ANKRD52: variants seen among roughly 807,000 people sequenced by gnomAD.
The protein encoded by ANKRD52 is serine/threonine-protein phosphatase 6 regulatory ankyrin repeat subunit C.
In ANKRD52, 7 loss-of-function variants were observed where a neutral mutation model predicts 116.0. The ratio of observed to expected loss-of-function variants is 0.06; its 90% CI spans 0.03 to 0.11. The LOEUF (loss-of-function observed/expected upper bound fraction) is 0.11. Among genes scored for constraint, ANKRD52 ranks in the 10% least tolerant of loss-of-function variants. The pLI, the probability that ANKRD52 is intolerant of heterozygous loss-of-function variation, is 1.00. For missense variants in ANKRD52, 839 were observed against 1,408.6 expected (o/e 0.60, Z 6.47); for synonymous variants, 528 against 578.1 (o/e 0.91, Z 1.24).
At position 56,237,996 on chromosome 12, in the gene ANKRD52, C is replaced by A; in HGVS notation, c.*5146G>T. 1 of 318,652 alleles carries A rather than the reference C, an allele frequency of 3.1e-6. No homozygotes were observed. The highest frequency in any genetic ancestry group is 5.1e-5 in the East Asian group (1 of 19,606). The allele number at this position is 318,652 out of a possible 1,614,324, so 19.7% of individuals were successfully genotyped here. A position where few individuals can be genotyped will look rare whatever the true frequency, so the allele number is the denominator to read the frequency against. Reference sequence around the variant, plus strand: ...GCGGGGAGAACATTGTGCTTTAGCCCAGGGAGGGGAGGGGTGGGGCAAATG... The same window carrying A: ...GCGGGGAGAACATTGTGCTTTAGCCAAGGGAGGGGAGGGGTGGGGCAAATG... On this transcript the variant is annotated 3_prime_UTR_variant, in exon 28 of 28. Coordinates refer to ENST00000267116, the MANE Select transcript of ANKRD52 (RefSeq NM_173595.4).
At position 56,243,760 on chromosome 12, in the gene ANKRD52, G is replaced by A; in HGVS notation, c.2980+25C>T. 2 of 1,550,510 alleles carry A rather than the reference G, an allele frequency of 1.3e-6. No homozygotes were observed. Among genetic ancestry groups the A allele is most frequent in the South Asian group, 1.2e-5 (1 of 83,998 alleles). ...GTCCCTGACCCCAAACCCAAGAGAGGCATGGGGCCCCAGACCCCACCCACC... is the reference window on the plus strand; with the variant it reads ...GTCCCTGACCCCAAACCCAAGAGAGACATGGGGCCCCAGACCCCACCCACC... On this transcript the variant is annotated intron_variant, in intron 27 of 27. Transcript: ENST00000267116. This position sits in a 1 kb window ranked among gnomAD's most constrained non-coding sequence, Gnocchi z 4.6.
At position 56,243,728 on chromosome 12, in the gene ANKRD52, GA is replaced by G; in HGVS notation, c.2980+56del. The G allele has an allele frequency of 6.7e-7, 1 of 1,495,902 alleles. No homozygotes were observed. The highest frequency in any genetic ancestry group is 9.1e-7 in the Non-Finnish European group (1 of 1,099,292). 92.7% of individuals were successfully genotyped at this position (1,495,902 alleles called of 1,614,324 possible). ...TAGCAAGATTAAGAAGTCACCTCCT[GA>G]AGAATGTCCCTGACCCCAAACCCAA... is the stretch of plus-strand genomic sequence containing the variant. On this transcript the variant is annotated intron_variant, in intron 27 of 27. Coordinates refer to ENST00000267116, the MANE Select transcript of ANKRD52 (RefSeq NM_173595.4). The surrounding 1 kb of genome is among the most constrained non-coding windows in gnomAD (Gnocchi z 4.6).
Position 56,252,277 on chromosome 12 carries a change from T to C in ANKRD52, c.1409A>G (p.Gln470Arg), listed in dbSNP as rs1871740043. The change falls in exon 14 of 28, where the codon CAG becomes CGG. Residue 470 changes from glutamine to arginine, a missense_variant. Gln to Arg is a conservative substitution (Grantham distance 43). Around this residue, in one of 2 missense-constraint regions of ANKRD52, gnomAD observed 552 missense variants for 810.6 expected, o/e 0.68. Transcript: ENST00000267116. This position sits in a 1 kb window ranked among gnomAD's most constrained non-coding sequence, Gnocchi z 4.7. ...AGCAGTCACCAATGTTACTGCACACTGGTAGCTACCGTTAGCAGCTGCATA... is the reference window on the plus strand; with the variant it reads ...AGCAGTCACCAATGTTACTGCACACCGGTAGCTACCGTTAGCAGCTGCATA... ...LHYAAANGSY[Q>R]CAVTLVTAGA... The C allele has an allele frequency of 1.2e-6, 2 of 1,613,956 alleles. No individual in the cohort carries two copies. Among genetic ancestry groups the C allele is most frequent in the Non-Finnish European group, 1.7e-6 (2 of 1,179,876 alleles).
At position 56,243,239 on chromosome 12, in the gene ANKRD52, G is replaced by A. The variant is rs1352467677; in HGVS notation, c.3134C>T (p.Thr1045Met). The A allele has an allele frequency of 6.8e-6, 11 of 1,613,876 alleles. No individual in the cohort carries two copies. The highest frequency in any genetic ancestry group is 1.1e-5 in the South Asian group (1 of 91,068). The change falls in exon 28 of 28, where the codon ACG becomes ATG. Residue 1045 changes from threonine to methionine, a missense_variant. Physicochemically the swap from Thr to Met is moderately conservative, Grantham distance 81. Coordinates refer to ENST00000267116, the MANE Select transcript of ANKRD52 (RefSeq NM_173595.4). The surrounding 1 kb of genome is among the most constrained non-coding windows in gnomAD (Gnocchi z 4.6). ...LKNCSIAAAKTVGGCGALPHG... is the reference protein window; with the variant it reads ...LKNCSIAAAKMVGGCGALPHG... Reference sequence around the variant, plus strand: ...GGGCAGGGCGCCGCAGCCACCCACCGTCTTGGCGGCTGCAATGCTGCAGTT... The same window carrying A: ...GGGCAGGGCGCCGCAGCCACCCACCATCTTGGCGGCTGCAATGCTGCAGTT...
rs969711869 is a variant in ANKRD52 at position 56,244,661 on chromosome 12, C to T, written c.2713G>A (p.Ala905Thr). Residue 905 changes from alanine (A) to threonine (T), a missense_variant, in exon 24 of 28, where the codon GCT (alanine) becomes ACT (threonine). Coordinates refer to ENST00000267116, the MANE Select transcript of ANKRD52 (RefSeq NM_173595.4). This position sits in a 1 kb window ranked among gnomAD's most constrained non-coding sequence, Gnocchi z 4.9. ...LMTAAENGQTAAVEFLLYRGK... is the reference protein window; with the variant it reads ...LMTAAENGQTTAVEFLLYRGK... ...AGTGGCCCCTACACACCCACAGCAGCGGTCTGCCCGTTCTCAGCCGCCGTC... is the reference window on the plus strand; with the variant it reads ...AGTGGCCCCTACACACCCACAGCAGTGGTCTGCCCGTTCTCAGCCGCCGTC... 8 of 1,613,786 alleles carry T rather than the reference C, an allele frequency of 5.0e-6. No individual in the cohort carries two copies. Among genetic ancestry groups the T allele is most frequent in the African/African-American group, 4.0e-5 (3 of 75,042 alleles).
rs1871273512 is a variant in ANKRD52, at chr12:56,243,803, G to A, written c.2962C>T (p.Leu988=). ...QALLSHGATV[L]AVDEEGHTPA... The stretch of plus-strand genomic sequence containing the variant: ...CACCCACCTTCTTCATCCACAGCCA[G>A]CACTGTGGCCCCATGACTCAGCAGG... Residue 988 remains leucine (L), a synonymous_variant, in exon 27 of 28, where the codon CTG becomes TTG. Coordinates refer to ENST00000267116, the MANE Select transcript of ANKRD52 (RefSeq NM_173595.4). This position sits in a 1 kb window ranked among gnomAD's most constrained non-coding sequence, Gnocchi z 4.6. 1.3e-6 allele frequency: 2 copies of A among 1,559,828 alleles called. No individual in the cohort carries two copies. The highest frequency in any genetic ancestry group is 1.7e-6 in the Non-Finnish European group (2 of 1,151,718).
chr12:56,243,424 G>A lies in ANKRD52; in HGVS notation c.2981-32C>T. On this transcript the variant is annotated intron_variant, in intron 27 of 27. Transcript: ENST00000267116. This position sits in a 1 kb window ranked among gnomAD's most constrained non-coding sequence, Gnocchi z 4.6. Reference sequence around the variant, plus strand: ...GGCCAAGGGGGAGAACTGAGGCATAGAGTCCTGTATCCTAGCCAGCCTCCC... The same window carrying A: ...GGCCAAGGGGGAGAACTGAGGCATAAAGTCCTGTATCCTAGCCAGCCTCCC... 10 of 1,607,456 alleles carry A rather than the reference G, an allele frequency of 6.2e-6. No homozygotes were observed. The highest frequency in any genetic ancestry group is 8.5e-6 in the Non-Finnish European group (10 of 1,176,728).
chr12:56,242,399 G>A lies in ANKRD52; in HGVS notation c.*743C>T. On this transcript the variant is annotated 3_prime_UTR_variant, in exon 28 of 28. Transcript: ENST00000267116. This position sits in a 1 kb window ranked among gnomAD's most constrained non-coding sequence, Gnocchi z 4.3. The stretch of plus-strand genomic sequence containing the variant: ...AGCAAGGTTAAAGTGCGTGGTTAGG[G>A]GCCAGGCTAGGAGTGGGAGGGAATG... 2.6e-6 allele frequency: 1 copy of A among 377,440 alleles called. No individual in the cohort carries two copies. Among genetic ancestry groups the A allele is most frequent in the Non-Finnish European group, 4.7e-6 (1 of 213,000 alleles). The allele number at this position is 377,440 out of a possible 1,614,324, so 23.4% of individuals were successfully genotyped here.
chr12:56,251,773 G>A (rs945075067), intron 15 of ANKRD52, among the ~76,000 whole-genome samples: 1 of 151,218 alleles, frequency 6.6e-6, no homozygotes, highest in Non-Finnish European at 1.5e-5. Context: ...CATTCCTTTA[G>A]GGAAGGAACT....
chr12:56,254,784 C>T lies in ANKRD52; in HGVS notation c.551-64G>A. 1 of 1,599,704 alleles carries T rather than the reference C, an allele frequency of 6.3e-7. No homozygotes were observed. Among genetic ancestry groups the T allele is most frequent in the Non-Finnish European group, 8.6e-7 (1 of 1,167,890 alleles). On this transcript the variant is annotated intron_variant, in intron 6 of 27. Transcript: ENST00000267116. The surrounding 1 kb of genome is among the most constrained non-coding windows in gnomAD (Gnocchi z 4.6). ...AAACTCTAAGACCCTACACTCCTCT[C>T]TTCAAAGGCTGCAACCCCACATCCC... is the stretch of plus-strand genomic sequence containing the variant.
At chr12:56,250,154 G>A (rs1003805174) in intron 15 of ANKRD52, among the ~76,000 whole-genome samples, 3 of 152,032 alleles carry the variant, frequency 2.0e-5, no homozygotes, top group Non-Finnish European at 2.9e-5. Flanking sequence ...CTGAGATCGC[G>A]CAACTGCACT....
In ANKRD52 at chr12:56,255,039, G is replaced by T; in HGVS notation, c.463-87C>A. 1 of 1,406,564 alleles carries T rather than the reference G, an allele frequency of 7.1e-7. No individual in the cohort carries two copies. Among genetic ancestry groups the T allele is most frequent in the Non-Finnish European group, 1.0e-6 (1 of 1,004,574 alleles). 87.1% of individuals were successfully genotyped at this position (1,406,564 alleles called of 1,614,324 possible). On this transcript the variant is annotated intron_variant, in intron 5 of 27. Coordinates refer to ENST00000267116, the MANE Select transcript of ANKRD52 (RefSeq NM_173595.4). This position sits in a 1 kb window ranked among gnomAD's most constrained non-coding sequence, Gnocchi z 4.3. ...AGCAGAGGCCTCATCTCCTGAAAAG[G>T]CTGAGGCAGCCTAATGCCTTTTTCC...
Position 56,253,323 on chromosome 12 carries a change from G to T in ANKRD52, c.1065C>A (p.Ile355=). ...CTGCGCCATTGGTCATGAGGGTGCT[G>T]ATGAGCAGCTCGTGTCCATATCGAG... ...VAARYGHELL[I]STLMTNGADT... The change falls in exon 10 of 28, where the codon ATC becomes ATA. Residue 355 remains isoleucine (I), a synonymous_variant. Coordinates refer to ENST00000267116, the MANE Select transcript of ANKRD52 (RefSeq NM_173595.4). This position sits in a 1 kb window ranked among gnomAD's most constrained non-coding sequence, Gnocchi z 5.5. 6.2e-7 allele frequency: 1 copy of T among 1,613,956 alleles called. No individual in the cohort carries two copies. Among genetic ancestry groups the T allele is most frequent in the Non-Finnish European group, 8.5e-7 (1 of 1,179,886 alleles).
Position 56,242,894 on chromosome 12 carries a change from T to C in ANKRD52, c.*248A>G, listed in dbSNP as rs1871225370. 4.0e-6 allele frequency: 2 copies of C among 494,766 alleles called. No individual in the cohort carries two copies. The highest frequency in any genetic ancestry group is 7.5e-5 in the South Asian group (2 of 26,628). 30.6% of individuals were successfully genotyped at this position (494,766 alleles called of 1,614,324 possible). On this transcript the variant is annotated 3_prime_UTR_variant, in exon 28 of 28. Coordinates refer to ENST00000267116, the MANE Select transcript of ANKRD52 (RefSeq NM_173595.4). This position sits in a 1 kb window ranked among gnomAD's most constrained non-coding sequence, Gnocchi z 4.3. The stretch of plus-strand genomic sequence containing the variant: ...GGAGCCAGGCATTTAGCAATCATTT[T>C]GGGACACTTGGCAGAAGGGGTCGCC...
chr12:56,252,137 G>A lies in ANKRD52; in HGVS notation c.1511+38C>T. Reference sequence around the variant, plus strand: ...GAAAGTTAGGGCCAGGCTCAGGGAGGTGAATGGGGCTGAGAAGGACCAGAC... The same window carrying A: ...GAAAGTTAGGGCCAGGCTCAGGGAGATGAATGGGGCTGAGAAGGACCAGAC... On this transcript the variant is annotated intron_variant, in intron 14 of 27. Coordinates refer to ENST00000267116, the MANE Select transcript of ANKRD52 (RefSeq NM_173595.4). The surrounding 1 kb of genome is among the most constrained non-coding windows in gnomAD (Gnocchi z 4.7). 1 of 1,613,974 alleles carries A rather than the reference G, an allele frequency of 6.2e-7. No homozygotes were observed. The highest frequency in any genetic ancestry group is 8.5e-7 in the Non-Finnish European group (1 of 1,179,828).
Position 56,252,529 on chromosome 12 carries a change from T to G in ANKRD52, c.1343A>C (p.Asp448Ala). Residue 448 changes from aspartate to alanine, a missense_variant, in exon 13 of 28, where the codon GAC becomes GCC. This residue lies in a region of ANKRD52 where 287 missense variants were observed against 598.1 expected (regional missense o/e 0.48). Transcript: ENST00000267116. This position sits in a 1 kb window ranked among gnomAD's most constrained non-coding sequence, Gnocchi z 4.7. The stretch of plus-strand genomic sequence containing the variant: ...GCCAAATTTGTCCCTCCTCCTCAAG[T>G]CAGCTCCACTGCTCAACAGCAAATT... ...CLNLLLSSGA[D>A]LRRRDKFGRT... 1 of 1,613,984 alleles carries G rather than the reference T, an allele frequency of 6.2e-7. No individual in the cohort carries two copies. Among genetic ancestry groups the G allele is most frequent in the Non-Finnish European group, 8.5e-7 (1 of 1,179,880 alleles).
At position 56,258,364 on chromosome 12, in the gene ANKRD52, C is replaced by T. The variant is rs1009245281; in HGVS notation, c.-95G>A. On this transcript the variant is annotated 5_prime_UTR_variant, in exon 1 of 28. Transcript: ENST00000267116. ...GCGGCCCAGGCGGCGGCTGCGGTGG[C>T]GGCTGCAGGGAGAGCGCGGCCCCGC... The T allele has an allele frequency of 2.3e-6, 3 of 1,325,032 alleles. No individual in the cohort carries two copies. The highest frequency in any genetic ancestry group is 2.9e-6 in the Non-Finnish European group (3 of 1,033,490). The allele number at this position is 1,325,032 out of a possible 1,614,324, so 82.1% of individuals were successfully genotyped here.
At chr12:56,245,013 C>CATCAGGAAGG (rs1378406928) in intron 22 of ANKRD52, 24 bp from the exon 23 acceptor site, 54 of 1,613,312 alleles carry the variant, frequency 3.3e-5, no homozygotes, top group Non-Finnish European at 4.3e-5. Flanking sequence ...GAGGAGGGGT[C>CATCAGGAAGG]ATCAGGAAGG....
Position 56,254,896 on chromosome 12 carries a change from C to T in ANKRD52, c.519G>A (p.Glu173=). 6.2e-7 allele frequency: 1 copy of T among 1,613,702 alleles called. No individual in the cohort carries two copies. The highest frequency in any genetic ancestry group is 8.5e-7 in the Non-Finnish European group (1 of 1,179,598). Residue 173 remains glutamate (E), a synonymous_variant, in exon 6 of 28, where the codon GAG becomes GAA. Transcript: ENST00000267116. This position sits in a 1 kb window ranked among gnomAD's most constrained non-coding sequence, Gnocchi z 4.6. Reference sequence around the variant, plus strand: ...AAGCTGCCCAATGCAGAGGCTGCCGCTCCTTTTTGTCACAGACATTCAGGC... The same window carrying T: ...AAGCTGCCCAATGCAGAGGCTGCCGTTCCTTTTTGTCACAGACATTCAGGC... The part of the protein sequence containing the change: ...GASLNVCDKK[E]RQPLHWAAFL...
Sources: gnomAD v4.1 joint callset for allele counts (sites outside exome capture counted in the v4.1 genomes callset) on GRCh38, gnomAD v4.1.1 for gene constraint, gnomAD v4.1.1 regional missense constraint, Gnocchi (gnomAD v3.1) non-coding constraint, MANE v1.5 for transcripts, NCBI Gene and HGNC (gene_info 2026-07-23, HGNC 2026-07-21) for gene names.